Variants in TMEM217B observed in about 807,000 individuals in gnomAD.
TMEM217B encodes the protein putative transmembrane protein 217B.
the TMEM217B span, chr6:37,219,067 G>T: frequency 1.9e-6 from 3 of 1,577,684 alleles, no homozygotes; most frequent in African/African-American, 4.1e-5. Flanking sequence ...ACATGAGGGA[G>T]AATTCTAGTT....
At chr6:37,227,741 G>A in the TMEM217B span, among the ~76,000 whole-genome samples, 3 of 151,814 alleles carry the variant, frequency 2.0e-5, no homozygotes, top group Non-Finnish European at 2.9e-5. Flanking sequence ...GAGCCATTGC[G>A]CTCAGCCTAA....
the TMEM217B span, chr6:37,257,910 C>G: frequency 1.9e-6 from 3 of 1,613,244 alleles, no homozygotes; most frequent in African/African-American, 4.0e-5. Flanking sequence ...CTTCCCCCGG[C>G]CAGAGCAATG....
At chr6:37,216,986 C>T in the TMEM217B span, among the ~76,000 whole-genome samples, 6 of 152,240 alleles carry the variant, frequency 3.9e-5, no homozygotes, top group South Asian at 1.2e-3. Context: ...TAAATCTCAG[C>T]TCTTTATAAA....
the TMEM217B span, among the ~76,000 whole-genome samples, chr6:37,239,304 GATGGCAAAAACCCAT>G: frequency 6.6e-6 from 1 of 151,772 alleles, no homozygotes; most frequent in African/African-American, 2.4e-5. Flanking sequence ...GCCTGGGCAA[GATGGCAAAAACCCAT>G]CTCTACAAAA....
At chr6:37,217,203 A>T in the TMEM217B span, among the ~76,000 whole-genome samples, 1 of 152,214 alleles carries the variant, frequency 6.6e-6, no homozygotes, top group Non-Finnish European at 1.5e-5. Flanking sequence ...CTGAAGCTGG[A>T]GAATCGCTTA....
chr6:37,239,477 AAAATAAATAAAT>A, the TMEM217B span, among the ~76,000 whole-genome samples: 11 of 150,014 alleles, frequency 7.3e-5, no homozygotes, highest in Non-Finnish European at 1.3e-4. Flanking sequence ...TCTGTCTTAA[AAAATAAATAAAT>A]AAATAAATAA....
At chr6:37,219,904 C>T in the TMEM217B span, among the ~76,000 whole-genome samples, 1 of 152,060 alleles carries the variant, frequency 6.6e-6, no homozygotes, top group Non-Finnish European at 1.5e-5. Context: ...AGGTGGACAC[C>T]AACTGGCTTT....
the TMEM217B span, chr6:37,218,537 T>C: frequency 5.6e-6 from 9 of 1,614,026 alleles, no homozygotes; most frequent in East Asian, 1.3e-4. Context: ...TCGTCTCTTG[T>C]AGGAAATTAT....
the TMEM217B span, chr6:37,217,726 G>A: frequency 3.0e-6 from 3 of 985,184 alleles, no homozygotes; most frequent in Non-Finnish European, 3.6e-6. Flanking sequence ...ACCCACCCCA[G>A]GGCCAACAGT....
the TMEM217B span, among the ~76,000 whole-genome samples, chr6:37,257,006 A>G: frequency 6.6e-6 from 1 of 152,224 alleles, no homozygotes; most frequent in Non-Finnish European, 1.5e-5. Flanking sequence ...GAAATTAAGG[A>G]TGTTGGTGGG....
the TMEM217B span, among the ~76,000 whole-genome samples, chr6:37,240,237 G>T: frequency 6.6e-6 from 1 of 152,204 alleles, no homozygotes; most frequent in East Asian, 1.9e-4. Flanking sequence ...TCCAAGAGTA[G>T]CGTAGGTGGG....
the TMEM217B span, among the ~76,000 whole-genome samples, chr6:37,236,706 C>T: frequency 6.6e-6 from 1 of 152,070 alleles, no homozygotes; most frequent in South Asian, 2.1e-4. Flanking sequence ...ACAAATTACC[C>T]CAAAACTTAG....
the TMEM217B span, among the ~76,000 whole-genome samples, chr6:37,254,296 C>T: frequency 1.3e-5 from 2 of 152,146 alleles, no homozygotes; most frequent in Non-Finnish European, 2.9e-5. Context: ...CCAAGAAGGA[C>T]CTCCATCAGA....
At chr6:37,222,521 G>A in the TMEM217B span, among the ~76,000 whole-genome samples, 1 of 152,172 alleles carries the variant, frequency 6.6e-6, no homozygotes, top group South Asian at 2.1e-4. Flanking sequence ...CCGCTAACTC[G>A]AAAGGGGCGG....
the TMEM217B span, among the ~76,000 whole-genome samples, chr6:37,225,042 C>T: frequency 1.3e-5 from 2 of 150,764 alleles, no homozygotes; most frequent in Non-Finnish European, 3.0e-5. Context: ...CCACCAAAAC[C>T]AAAAATTACC....
At chr6:37,248,749 T>C in the TMEM217B span, among the ~76,000 whole-genome samples, 3 of 152,172 alleles carry the variant, frequency 2.0e-5, no homozygotes, top group Admixed American at 1.3e-4. Context: ...TAGGTGGCAA[T>C]GGGCAAAAAG....
the TMEM217B span, among the ~76,000 whole-genome samples, chr6:37,240,976 A>T: frequency 6.6e-6 from 1 of 152,078 alleles, no homozygotes; most frequent in Non-Finnish European, 1.5e-5. Context: ...ACATTTATGA[A>T]GTATTTGTTA....
At chr6:37,226,533 G>A in the TMEM217B span, among the ~76,000 whole-genome samples, 10 of 150,598 alleles carry the variant, frequency 6.6e-5, no homozygotes, top group African/African-American at 1.2e-4. Flanking sequence ...TCCTGACCTC[G>A]TGATCCGCCC....
chr6:37,222,942 C>G, the TMEM217B span, among the ~76,000 whole-genome samples: 1 of 143,122 alleles, frequency 7.0e-6, no homozygotes, highest in Non-Finnish European at 1.5e-5. Flanking sequence ...GAAAAAGAAC[C>G]CAAATAGAAT....
Sources: gnomAD v4.1 joint callset for allele counts (sites outside exome capture counted in the v4.1 genomes callset) on GRCh38, gnomAD v4.1.1 for gene constraint, MANE v1.5 for transcripts, NCBI Gene and HGNC (gene_info 2026-07-23, HGNC 2026-07-21) for gene names.